The following EFL1 variants were observed in gnomAD, a reference collection of about 807,000 sequenced individuals.
EFL1 encodes elongation factor-like GTPase 1.
Under a neutral mutation model 126.7 loss-of-function variants are expected in EFL1, and 76 were observed. The ratio of observed to expected loss-of-function variants is 0.60; its 90% confidence interval spans 0.50 to 0.73. The LOEUF (loss-of-function observed/expected upper bound fraction) is 0.73, where lower values mean the gene tolerates loss of function less well. EFL1 is among the 30% of genes least tolerant of loss of function. The pLI is 0.00. For missense variants in EFL1, 1,128 were observed against 1,343.2 expected, an observed-to-expected ratio of 0.84 and a Z score of 2.50; for synonymous variants, 410 against 448.4, an observed-to-expected ratio of 0.91 and a Z score of 1.08.
intron 15 of EFL1, among the ~76,000 whole-genome samples, chr15:82,191,160 A>T (rs998666167): frequency 1.3e-5 from 2 of 152,112 alleles, no homozygotes; most frequent in Admixed American, 6.6e-5. Context: ...ACTTTTCCCT[A>T]CAAATACTAT....
At chr15:82,197,086 A>G (rs192411349) in intron 15 of EFL1, among the ~76,000 whole-genome samples, 7 of 152,284 alleles carry the variant, frequency 4.6e-5, no homozygotes, top group Admixed American at 2.6e-4. Flanking sequence ...AACAAAATAT[A>G]TGCAAATATA....
At chr15:82,192,464 A>C (rs1478728574) in intron 15 of EFL1, among the ~76,000 whole-genome samples, 2 of 152,098 alleles carry the variant, frequency 1.3e-5, no homozygotes, top group Non-Finnish European at 2.9e-5. Context: ...AAACGTATGG[A>C]ACCTACCGAA....
intron 15 of EFL1, among the ~76,000 whole-genome samples, chr15:82,211,754 A>G (rs1567064935): frequency 6.6e-6 from 1 of 152,142 alleles, no homozygotes; most frequent in East Asian, 1.9e-4. Context: ...AGGAACAAGT[A>G]AAATTTGCCT....
chr15:82,157,502 A>G, intron 17 of EFL1: 2 of 491,932 alleles, frequency 4.1e-6, no homozygotes, highest in South Asian at 1.0e-4. Context: ...TAAGCTAAAA[A>G]TGCAAAATTA....
chr15:82,226,238 G>A (rs1483967772), intron 11 of EFL1, among the ~76,000 whole-genome samples: 2 of 152,144 alleles, frequency 1.3e-5, no homozygotes, highest in African/African-American at 2.4e-5. Flanking sequence ...GCGTTATCTC[G>A]GCTCACTGCA....
intron 15 of EFL1, among the ~76,000 whole-genome samples, chr15:82,202,814 A>AT (rs113767734): frequency 0.36 from 51,957 of 145,566 alleles, 10,048 homozygotes; most frequent in African/African-American, 0.52. Flanking sequence ...GTGTTCCCTA[A>AT]TTTTTTTTTT....
At chr15:82,132,284 A>G (rs1320246544) in intron 19 of EFL1, among the ~76,000 whole-genome samples, 3 of 152,186 alleles carry the variant, frequency 2.0e-5, no homozygotes, top group Non-Finnish European at 4.4e-5. Context: ...AAGAACATGA[A>G]TCAGACCAAC....
In EFL1 at chr15:82,210,816, T is replaced by A. The variant is rs148765760; in HGVS notation, c.1750+3901A>T. ...GACAGAGGTTTCAGTGAGCTAAGAT[T>A]GCACCATTGCACTCCAGCCTGGGCG... On this transcript the variant is annotated intron_variant, in intron 15 of 19. Transcript: ENST00000268206. 6.1e-5 allele frequency among the ~76,000 whole-genome samples: 9 copies of A among 148,636 alleles called. 1 individual carries two copies. The East Asian group carries it at 1.8e-3, about 30-fold the overall frequency.
At position 82,135,593 on chromosome 15, in the gene EFL1, AATAC is replaced by A. The variant is rs1418844081; in HGVS notation, c.3174+3061_3174+3064del. Among the ~76,000 whole-genome samples, 14 of 152,332 alleles carry A rather than the reference AATAC, an allele frequency of 9.2e-5. No individual in the cohort carries two copies. The East Asian group carries it at 2.7e-3, about 29-fold the overall frequency. ...ACTCTGCTTAAAAGCAGCCATAGAA[AATAC>A]ATACATGATTGGGTACAGCTGTATT... is the stretch of plus-strand genomic sequence containing the variant. On this transcript the variant is annotated intron_variant, in intron 19 of 19. Transcript: ENST00000268206.
intron 15 of EFL1, among the ~76,000 whole-genome samples, chr15:82,175,089 A>G (rs1398219645): frequency 6.6e-6 from 1 of 152,210 alleles, no homozygotes; most frequent in Non-Finnish European, 1.5e-5. Context: ...CAGAAATCCC[A>G]CATTCTATTT....
chr15:82,151,708 C>T lies in EFL1; in HGVS notation c.2746G>A (p.Glu916Lys), dbSNP rs1351001145. ...CCACCAGAACAGGTTTCATTTTCCTCCTGTCCCTCTTTTGCCAGATCACTT... is the reference window on the plus strand; with the variant it reads ...CCACCAGAACAGGTTTCATTTTCCTTCTGTCCCTCTTTTGCCAGATCACTT... ...GASDLAKEGQEENETCSGGNE... is the reference protein window; with the variant it reads ...GASDLAKEGQKENETCSGGNE... The change falls in exon 18 of 20, where the codon GAG becomes AAG. Residue 916 changes from glutamate (E) to lysine (K), a missense_variant. By Grantham distance (56) the Glu-to-Lys change is moderately conservative. Transcript: ENST00000268206. 1 of 1,614,172 alleles carries T rather than the reference C, an allele frequency of 6.2e-7. No individual in the cohort carries two copies. The highest frequency in any genetic ancestry group is 1.7e-5 in the Admixed American group (1 of 60,018).
intron 4 of EFL1, among the ~76,000 whole-genome samples, chr15:82,252,165 T>C (rs1257603518): frequency 6.6e-5 from 10 of 152,226 alleles, no homozygotes; most frequent in Non-Finnish European, 7.3e-5. Context: ...CATTCTCCTA[T>C]TGACATTCAG....
intron 15 of EFL1, among the ~76,000 whole-genome samples, chr15:82,202,322 T>C (rs77146733): frequency 6.6e-6 from 1 of 151,104 alleles, no homozygotes; most frequent in Non-Finnish European, 1.5e-5. Context: ...TTAAAAAAAA[T>C]TGCATTTAAA....
intron 15 of EFL1, 112 bp downstream of exon 15, chr15:82,214,605 T>G: frequency 4.9e-6 from 7 of 1,426,206 alleles, no homozygotes; most frequent in Non-Finnish European, 6.6e-6. Context: ...AAAAAAAAAT[T>G]ATCAAACTAA....
intron 2 of EFL1, among the ~76,000 whole-genome samples, chr15:82,259,397 T>C (rs971578796): frequency 1.3e-5 from 2 of 152,214 alleles, no homozygotes; most frequent in Admixed American, 1.3e-4. Context: ...CTCAACCTCA[T>C]CTGAAAAGTT....
intron 15 of EFL1, among the ~76,000 whole-genome samples, chr15:82,176,726 G>A (rs1188577804): frequency 6.6e-6 from 1 of 152,100 alleles, no homozygotes; most frequent in Non-Finnish European, 1.5e-5. Context: ...AGCATAAAGT[G>A]GTACATTGAC....
chr15:82,130,646 C>T lies in EFL1; in HGVS notation c.3175-85G>A, dbSNP rs957998921. On this transcript the variant is annotated intron_variant, in intron 19 of 19. Transcript: ENST00000268206. ...CACTGAGCTCCCCAATTTATATAGT[C>T]TTAGCTAATGAAAAAAAGTTAGGCA... 6 of 1,418,516 alleles carry T rather than the reference C, an allele frequency of 4.2e-6. No homozygotes were observed. In the African/African-American group the frequency reaches 7.2e-5, roughly 17 times the overall value. The allele number at this position is 1,418,516 out of a possible 1,614,324, so 87.9% of individuals were successfully genotyped here.
At chr15:82,192,554 A>G (rs2074370080) in intron 15 of EFL1, among the ~76,000 whole-genome samples, 1 of 152,218 alleles carries the variant, frequency 6.6e-6, no homozygotes, top group South Asian at 2.1e-4. Context: ...ATTCTTAGTA[A>G]TCATGCAGTC....
In EFL1 at chr15:82,254,883, A is replaced by G. The variant is rs369354676; in HGVS notation, c.160-2108T>C. On this transcript the variant is annotated intron_variant, in intron 3 of 19. Transcript: ENST00000268206. Reference sequence around the variant, plus strand: ...GGAAAAGGATGGGATCTTTATTTAAATGAAACCACTGTCAGTACTGATGTA... The same window carrying G: ...GGAAAAGGATGGGATCTTTATTTAAGTGAAACCACTGTCAGTACTGATGTA... Among the ~76,000 whole-genome samples the G allele has an allele frequency of 3.3e-5, 5 of 152,206 alleles. No homozygotes were observed. The East Asian group carries it at 5.8e-4, about 18-fold the overall frequency.
Sources: allele counts gnomAD v4.1 joint callset (sites outside exome capture counted in the v4.1 genomes callset), GRCh38; gene constraint gnomAD v4.1.1; transcripts MANE v1.5; gene names NCBI Gene and HGNC (gene_info 2026-07-23, HGNC 2026-07-21).